The following KLF12 variants were observed in gnomAD, a reference collection of about 807,000 sequenced individuals.
The protein encoded by KLF12 is Krueppel-like factor 12.
KLF12 carries 9 observed loss-of-function variants against 37.8 expected under a neutral mutation model. The ratio of observed to expected loss-of-function variants is 0.24; its 90% CI spans 0.14 to 0.42. The LOEUF (loss-of-function observed/expected upper bound fraction) is 0.42, where lower values mean the gene tolerates loss of function less well. Among genes scored for constraint, KLF12 ranks in the 10% least tolerant of loss-of-function variants. The probability of loss-of-function intolerance (pLI) is 1.00; values close to 1 mark genes in which losing one functional copy is unlikely to be tolerated. For synonymous variants in KLF12, 208 were observed against 202.1 expected, an observed-to-expected ratio of 1.03 and a Z score of -0.25; for missense variants, 411 against 516.0, an observed-to-expected ratio of 0.80 and a Z score of 1.97.
At chr13:74,105,517 C>CAAT (rs751279329) in intron 1 of KLF12, among the ~76,000 whole-genome samples, 6 of 151,822 alleles carry the variant, frequency 4.0e-5, no homozygotes, top group African/African-American at 1.2e-4. Context: ...CAAACAACAA[C>CAAT]AATAATAATA....
chr13:74,115,778 G>T (rs539075183), intron 1 of KLF12, among the ~76,000 whole-genome samples: 7 of 151,372 alleles, frequency 4.6e-5, no homozygotes, highest in African/African-American at 1.7e-4. Context: ...GTATTCCTTG[G>T]CTTGTAGCCA....
At position 73,845,844 on chromosome 13, in the gene KLF12, C is replaced by T. The variant is rs1405450710; in HGVS notation, c.653G>A (p.Gly218Glu). The change falls in exon 4 of 8, where the codon GGG (glycine) becomes GAG (glutamate). Residue 218 changes from glycine (G) to glutamate (E), a missense_variant. Around this residue, in one of 2 missense-constraint regions of KLF12, gnomAD observed 351 missense variants for 397.8 expected, o/e 0.88. Coordinates refer to ENST00000377669, the MANE Select transcript of KLF12 (RefSeq NM_007249.5). The stretch of plus-strand genomic sequence containing the variant: ...TCTCTTACCTTTGCCATGGCCTCTC[C>T]CATCCTCCAAAAGCGGCACGACAAT... The T allele has an allele frequency of 6.2e-7, 1 of 1,613,562 alleles. No homozygotes were observed. Among genetic ancestry groups the T allele is most frequent in the Non-Finnish European group, 8.5e-7 (1 of 1,179,572 alleles).
intron 1 of KLF12, among the ~76,000 whole-genome samples, chr13:74,103,788 C>A (rs1706165688): frequency 6.6e-6 from 1 of 152,158 alleles, no homozygotes; most frequent in African/African-American, 2.4e-5. Flanking sequence ...ATGGCTTGAT[C>A]TATTACAATA....
intron 3 of KLF12, among the ~76,000 whole-genome samples, chr13:73,927,764 AT>A (rs1889466979): frequency 1.6e-5 from 2 of 125,856 alleles, no homozygotes; most frequent in Non-Finnish European, 3.4e-5. Flanking sequence ...TTTTTTTTGT[AT>A]TTTTAGTAAA....
chr13:74,111,250 T>C lies in KLF12; in HGVS notation c.-32+22489A>G, dbSNP rs1005403463. On this transcript the variant is annotated intron_variant, in intron 1 of 7. Coordinates refer to ENST00000377669, the MANE Select transcript of KLF12 (RefSeq NM_007249.5). ...ATTTTATTGATTCACTTGAACTTGA[T>C]GTACTCAGTGAAGGAAAAACAGAAC... Among the ~76,000 whole-genome samples the C allele has an allele frequency of 2.0e-5, 3 of 152,010 alleles. No homozygotes were observed. In the South Asian group the frequency reaches 6.2e-4, roughly 31 times the overall value.
chr13:74,022,474 T>A (rs1892865494), intron 1 of KLF12, among the ~76,000 whole-genome samples: 2 of 152,002 alleles, frequency 1.3e-5, no homozygotes, highest in South Asian at 4.2e-4. Context: ...TTCTGCCACA[T>A]GGCATTTTTC....
chr13:73,760,715 C>T (rs1879496589), intron 6 of KLF12, among the ~76,000 whole-genome samples: 2 of 152,158 alleles, frequency 1.3e-5, no homozygotes, highest in Non-Finnish European at 2.9e-5. Flanking sequence ...CACTGTTACA[C>T]AACAGCCCTT....
At chr13:74,192,842 C>A in the KLF12 span, among the ~76,000 whole-genome samples, 1 of 152,156 alleles carries the variant, frequency 6.6e-6, no homozygotes. Flanking sequence ...ATTATGCTGG[C>A]TTAGTGTTTA....
rs78202696 is a variant in KLF12 at position 74,053,058 on chromosome 13, A to G, written c.-31-58005T>C. Among the ~76,000 whole-genome samples the G allele has an allele frequency of 2.8e-3, 422 of 152,292 alleles. 4 individuals are homozygous for G. Among genetic ancestry groups the G allele is most frequent in the African/African-American group, 9.4e-3 (389 of 41,546 alleles). ...GCCCTTGTGTCAATCAGGAAACTAT[A>G]TTATCTAGATTTTATTTTCAATCTG... On this transcript the variant is annotated intron_variant, in intron 1 of 7. Coordinates refer to ENST00000377669, the MANE Select transcript of KLF12 (RefSeq NM_007249.5).
chr13:74,218,755 A>T, the KLF12 span, among the ~76,000 whole-genome samples: 1 of 152,250 alleles, frequency 6.6e-6, no homozygotes, highest in South Asian at 2.1e-4. Context: ...TAATGATGTT[A>T]GCTGGATAAA....
At chr13:74,063,783 A>C (rs942462711) in intron 1 of KLF12, among the ~76,000 whole-genome samples, 2 of 152,234 alleles carry the variant, frequency 1.3e-5, no homozygotes, top group African/African-American at 4.8e-5. Context: ...TTTAGTATTT[A>C]TAATTTTCCC....
the KLF12 span, among the ~76,000 whole-genome samples, chr13:74,251,645 G>C: frequency 1.3e-5 from 2 of 152,028 alleles, no homozygotes; most frequent in African/African-American, 4.8e-5. Context: ...TCCCCCACCA[G>C]GTGAGAAAGA....
chr13:74,159,959 A>C, the KLF12 span, among the ~76,000 whole-genome samples: 1 of 149,022 alleles, frequency 6.7e-6, no homozygotes, highest in Non-Finnish European at 1.5e-5. Flanking sequence ...CCAAGATCAC[A>C]TCACTACACT....
At chr13:73,771,774 G>C (rs1880287230) in intron 5 of KLF12, among the ~76,000 whole-genome samples, 1 of 152,184 alleles carries the variant, frequency 6.6e-6, no homozygotes, top group South Asian at 2.1e-4. Context: ...TTTCATAAAA[G>C]TTAAAACAGG....
At chr13:73,795,685 CTT>C (rs1012633641) in intron 5 of KLF12, among the ~76,000 whole-genome samples, 8 of 152,140 alleles carry the variant, frequency 5.3e-5, no homozygotes, top group African/African-American at 1.7e-4. Context: ...TTAAGAAACT[CTT>C]GTTTTTCCAA....
chr13:74,106,417 T>C (rs1393340140), intron 1 of KLF12, among the ~76,000 whole-genome samples: 1 of 152,216 alleles, frequency 6.6e-6, no homozygotes, highest in Admixed American at 6.6e-5. Context: ...TAATAGTTTC[T>C]ACCATAATAA....
chr13:73,945,300 C>A (rs964979207), intron 2 of KLF12, among the ~76,000 whole-genome samples: 2 of 152,136 alleles, frequency 1.3e-5, no homozygotes, highest in African/African-American at 4.8e-5. Flanking sequence ...GAAACCCCGT[C>A]TCTACTAAAA....
At chr13:74,280,946 A>G in the KLF12 span, among the ~76,000 whole-genome samples, 2 of 149,938 alleles carry the variant, frequency 1.3e-5, no homozygotes, top group Non-Finnish European at 2.9e-5. Context: ...ACTACTTTTG[A>G]TATGTCTGAT....
chr13:73,813,214 C>A lies in KLF12; in HGVS notation c.744G>T (p.Val248=). The change falls in exon 5 of 8, where the codon GTG becomes GTT. Residue 248 remains valine (V), a synonymous_variant. Transcript: ENST00000377669. Reference sequence around the variant, plus strand: ...CAGTTTCATTAACGCTATCTAAGGTCACATTTGGCAGGTCATCATCATCAC... The same window carrying A: ...CAGTTTCATTAACGCTATCTAAGGTAACATTTGGCAGGTCATCATCATCAC... The A allele has an allele frequency of 1.2e-6, 2 of 1,613,982 alleles. No individual in the cohort carries two copies. The highest frequency in any genetic ancestry group is 1.3e-5 in the African/African-American group (1 of 75,020).
Sources: allele counts gnomAD v4.1 joint callset (sites outside exome capture counted in the v4.1 genomes callset), GRCh38; gene constraint gnomAD v4.1.1; regional missense constraint gnomAD v4.1.1; transcripts MANE v1.5; gene names NCBI Gene and HGNC (gene_info 2026-07-23, HGNC 2026-07-21).